Variants in TEX36 observed in about 807,000 individuals in gnomAD.
The protein encoded by TEX36 is testis-expressed protein 36.
In TEX36, 12 loss-of-function variants were observed where a neutral mutation model predicts 13.6. The ratio of observed to expected loss-of-function variants is 0.88; its 90% confidence interval spans 0.56 to 1.43. TEX36 has a LOEUF of 1.43. Ranked by LOEUF, TEX36 falls within the 40% of genes most tolerant of loss-of-function variation. The pLI is 0.00. For missense variants in TEX36, 224 were observed against 228.3 expected (o/e 0.98, Z 0.12); for synonymous variants, 93 against 83.0 (o/e 1.12, Z -0.65).
intron 3 of TEX36, among the ~76,000 whole-genome samples, chr10:125,595,244 G>T (rs1487042712): frequency 1.3e-5 from 2 of 152,012 alleles, no homozygotes; most frequent in African/African-American, 4.8e-5. Context: ...GCTTTACCAG[G>T]CCTGCAAATA....
At chr10:125,617,508 C>A (rs530324592), downstream of TEX36, among the ~76,000 whole-genome samples, 35 of 152,178 alleles carry the variant, frequency 2.3e-4, no homozygotes, top group South Asian at 7.1e-3. Context: ...TCAGCATTTG[C>A]TTGTCTGTAA....
In TEX36 at chr10:125,661,954, T is replaced by C; in HGVS notation, c.75A>G (p.Gln25=). The C allele has an allele frequency of 3.2e-6, 5 of 1,552,362 alleles. No individual in the cohort carries two copies. The highest frequency in any genetic ancestry group is 4.4e-6 in the Non-Finnish European group (5 of 1,147,138). Reference sequence around the variant, plus strand: ...CACTGGTGATGGATTCTGGTGTCTTTTGCGTTAGCCCGATGTGAGGGAACT... The same window carrying C: ...CACTGGTGATGGATTCTGGTGTCTTCTGCGTTAGCCCGATGTGAGGGAACT... ...GRWFPHIGLT[Q]KTPESITSAT... The change falls in exon 2 of 4, where the codon CAA becomes CAG. Residue 25 remains glutamine, a synonymous_variant. Coordinates refer to ENST00000368821, the MANE Select transcript of TEX36 (RefSeq NM_001128202.3).
intron 1 of TEX36, among the ~76,000 whole-genome samples, chr10:125,675,064 AG>A (rs1454682693): frequency 3.3e-5 from 5 of 152,174 alleles, no homozygotes; most frequent in Admixed American, 3.3e-4. Flanking sequence ...CCCTCCCCAC[AG>A]GGGTTCAGTC....
chr10:125,631,624 T>C (rs1846555381), intron 3 of TEX36, among the ~76,000 whole-genome samples: 1 of 152,146 alleles, frequency 6.6e-6, no homozygotes, highest in Non-Finnish European at 1.5e-5. Context: ...AGAAGATGGA[T>C]TGCACCTGGG....
chr10:125,622,063 T>C (rs1846434659), intron 3 of TEX36, among the ~76,000 whole-genome samples: 1 of 152,186 alleles, frequency 6.6e-6, no homozygotes, highest in Non-Finnish European at 1.5e-5. Context: ...GTAGCCATTC[T>C]TCAATCCAAT....
At chr10:125,681,077 T>C (rs1041125176) in intron 1 of TEX36, among the ~76,000 whole-genome samples, 8 of 152,136 alleles carry the variant, frequency 5.3e-5, no homozygotes, top group African/African-American at 1.4e-4. Context: ...GAAAGTATTG[T>C]TTTCCTGATA....
chr10:125,644,974 G>A (rs185648502), intron 3 of TEX36, among the ~76,000 whole-genome samples: 1 of 152,240 alleles, frequency 6.6e-6, no homozygotes, highest in East Asian at 1.9e-4. Context: ...GAAGGGACCT[G>A]GCTAACAGCA....
rs1013901376 is a variant in TEX36 at position 125,660,943 on chromosome 10, A to G, written c.264+78T>C. 8 of 1,290,566 alleles carry G rather than the reference A, an allele frequency of 6.2e-6. No individual in the cohort carries two copies. The Admixed American group carries it at 7.9e-5, about 13-fold the overall frequency. 79.9% of individuals were successfully genotyped at this position (1,290,566 alleles called of 1,614,324 possible). On this transcript the variant is annotated intron_variant, in intron 3 of 3. Coordinates refer to ENST00000368821, the MANE Select transcript of TEX36 (RefSeq NM_001128202.3). ...GTTCCAGTTTTGAGGCCAATCCTCT[A>G]TCTTCAACACACCCCAGAAAATCAA...
At chr10:125,595,689 C>T (rs1038362344) in intron 3 of TEX36, among the ~76,000 whole-genome samples, 4 of 152,174 alleles carry the variant, frequency 2.6e-5, no homozygotes, top group Non-Finnish European at 4.4e-5. Context: ...TCTGCTGATA[C>T]TCACATGGCT....
chr10:125,612,066 CTTTTCTTTTTCT>C (rs1003065074), intron 3 of TEX36, among the ~76,000 whole-genome samples: 20 of 149,804 alleles, frequency 1.3e-4, no homozygotes, highest in South Asian at 8.5e-4. Flanking sequence ...CTTTTCTTTT[CTTTTCTTTTTCT>C]TTTTCTTTTT....
intron 3 of TEX36, among the ~76,000 whole-genome samples, chr10:125,579,452 C>T (rs767541700): frequency 1.3e-5 from 2 of 152,202 alleles, no homozygotes; most frequent in Non-Finnish European, 2.9e-5. Context: ...TGAAGCCCCT[C>T]ACCCAACACG....
downstream of TEX36, among the ~76,000 whole-genome samples, chr10:125,654,463 G>A (rs1445224504): frequency 1.3e-5 from 2 of 152,138 alleles, no homozygotes; most frequent in East Asian, 3.8e-4. Flanking sequence ...ACAGTATAAA[G>A]GTGTTGGTTT....
At chr10:125,595,502 A>G (rs1846071197) in intron 3 of TEX36, among the ~76,000 whole-genome samples, 1 of 152,114 alleles carries the variant, frequency 6.6e-6, no homozygotes, top group South Asian at 2.1e-4. Context: ...TTTAAAGTAT[A>G]AGTCAGATAC....
At chr10:125,599,985 G>A (rs1330748535) in intron 3 of TEX36, among the ~76,000 whole-genome samples, 2 of 152,156 alleles carry the variant, frequency 1.3e-5, no homozygotes, top group Admixed American at 6.5e-5. Flanking sequence ...GTGGGAATTG[G>A]AAAGCTTCAG....
At chr10:125,618,962 AAAAAAAAAATAC>A (rs1367156819), downstream of TEX36, among the ~76,000 whole-genome samples, 3 of 145,638 alleles carry the variant, frequency 2.1e-5, no homozygotes, top group African/African-American at 7.9e-5. Context: ...AAAAAAAAAA[AAAAAAAAAATAC>A]AAAAAATTAG....
chr10:125,640,744 G>A (rs867231930), intron 3 of TEX36, among the ~76,000 whole-genome samples: 25 of 152,206 alleles, frequency 1.6e-4, no homozygotes, highest in Middle Eastern at 6.8e-3. Flanking sequence ...GGCAGAGCTG[G>A]GCTGAAGGGG....
intron 3 of TEX36, among the ~76,000 whole-genome samples, chr10:125,609,780 G>A (rs983526574): frequency 9.9e-5 from 15 of 152,178 alleles, no homozygotes; most frequent in African/African-American, 3.6e-4. Flanking sequence ...TGATCATTTG[G>A]TTTCTCCTGA....
At chr10:125,644,603 T>G (rs1846739598) in intron 3 of TEX36, among the ~76,000 whole-genome samples, 2 of 152,204 alleles carry the variant, frequency 1.3e-5, no homozygotes, top group Non-Finnish European at 1.5e-5. Context: ...GCTTGTGGAT[T>G]GTACCAATAT....
chr10:125,610,729 C>T (rs1846279008), intron 3 of TEX36, among the ~76,000 whole-genome samples: 1 of 152,136 alleles, frequency 6.6e-6, no homozygotes, highest in Admixed American at 6.5e-5. Context: ...CTCTTTGTCA[C>T]TTAAATCCTT....
Sources: gnomAD v4.1 joint callset for allele counts (sites outside exome capture counted in the v4.1 genomes callset) on GRCh38, gnomAD v4.1.1 for gene constraint, MANE v1.5 for transcripts, NCBI Gene and HGNC (gene_info 2026-07-23, HGNC 2026-07-21) for gene names.